The following MATCAP2 variants were observed in gnomAD, a reference collection of about 807,000 sequenced individuals.
MATCAP2 encodes microtubule associated tyrosine carboxypeptidase 2.
chr7:36,385,706 AGGC>A, the MATCAP2 span, among the ~76,000 whole-genome samples: 1 of 152,122 alleles, frequency 6.6e-6, no homozygotes, highest in East Asian at 1.9e-4. Context: ...AGATTGCTTG[AGGC>A]CAGGAATTTG....
chr7:36,389,803 C>G, the MATCAP2 span: 1 of 837,430 alleles, frequency 1.2e-6, no homozygotes, highest in Non-Finnish European at 1.8e-6. Context: ...CCCGGCTCCG[C>G]CCAGCGCGCA....
chr7:36,383,150 A>G, the MATCAP2 span, among the ~76,000 whole-genome samples: 1 of 152,268 alleles, frequency 6.6e-6, no homozygotes, highest in Non-Finnish European at 1.5e-5. Flanking sequence ...AATCATTAAT[A>G]GTAAAGATTA....
chr7:36,353,503 CA>C, the MATCAP2 span, among the ~76,000 whole-genome samples: 1 of 121,076 alleles, frequency 8.3e-6, no homozygotes, highest in Non-Finnish European at 1.7e-5. Context: ...TTTTTTGAGA[CA>C]GTGTCTCACT....
At chr7:36,327,597 C>G in the MATCAP2 span, among the ~76,000 whole-genome samples, 1 of 152,138 alleles carries the variant, frequency 6.6e-6, no homozygotes, top group African/African-American at 2.4e-5. Flanking sequence ...ATCAAAATAA[C>G]TAGAATATAA....
At chr7:36,327,907 A>G in the MATCAP2 span, among the ~76,000 whole-genome samples, 1 of 152,346 alleles carries the variant, frequency 6.6e-6, no homozygotes, top group African/African-American at 2.4e-5. Context: ...AATTTAGGAT[A>G]CATAATGATT....
At chr7:36,385,564 C>A in the MATCAP2 span, among the ~76,000 whole-genome samples, 2 of 152,040 alleles carry the variant, frequency 1.3e-5, no homozygotes, top group East Asian at 3.9e-4. Flanking sequence ...GTGGGAGGAT[C>A]ATTTGAGGCC....
the MATCAP2 span, among the ~76,000 whole-genome samples, chr7:36,364,693 G>A: frequency 6.6e-6 from 1 of 152,184 alleles, no homozygotes; most frequent in Non-Finnish European, 1.5e-5. Context: ...TGAATCGTGA[G>A]GGAATGACCA....
At chr7:36,380,325 A>G in the MATCAP2 span, among the ~76,000 whole-genome samples, 1 of 152,194 alleles carries the variant, frequency 6.6e-6, no homozygotes. Flanking sequence ...GGGATGGGAA[A>G]TGTGATCGAG....
chr7:36,336,247 T>C, the MATCAP2 span: 1 of 1,534,428 alleles, frequency 6.5e-7, no homozygotes, highest in African/African-American at 1.4e-5. Context: ...CTTGTTCAAA[T>C]TTTTCATAAC....
chr7:36,388,399 G>C, the MATCAP2 span, among the ~76,000 whole-genome samples: 1 of 151,824 alleles, frequency 6.6e-6, no homozygotes, highest in Non-Finnish European at 1.5e-5. Context: ...TTTCAGTCAC[G>C]TACAATTTAT....
At chr7:36,324,626 TTAATA>T in the MATCAP2 span, 1 of 152,220 alleles carries the variant, frequency 6.6e-6, no homozygotes, top group Non-Finnish European at 1.5e-5. Context: ...GGAAAAAGAA[TTAATA>T]AACTTTCATT....
At chr7:36,361,282 A>G in the MATCAP2 span, among the ~76,000 whole-genome samples, 2 of 152,178 alleles carry the variant, frequency 1.3e-5, no homozygotes, top group Non-Finnish European at 2.9e-5. Flanking sequence ...GAATGGGGGA[A>G]AAGGGAGACA....
chr7:36,326,918 C>T, the MATCAP2 span: 2 of 1,591,018 alleles, frequency 1.3e-6, no homozygotes, highest in South Asian at 1.2e-5. Flanking sequence ...TCATAAGAAA[C>T]CTGAAAAAAA....
At chr7:36,350,993 G>C in the MATCAP2 span, among the ~76,000 whole-genome samples, 1 of 152,208 alleles carries the variant, frequency 6.6e-6, no homozygotes, top group Non-Finnish European at 1.5e-5. Context: ...AGGCATCTGA[G>C]TTTGTGAACC....
the MATCAP2 span, chr7:36,367,405 CG>C: frequency 2.2e-6 from 2 of 928,420 alleles, no homozygotes; most frequent in Non-Finnish European, 2.6e-6. Context: ...TGCCCGCGAG[CG>C]CGCTGGGGTC....
chr7:36,335,780 CT>C, the MATCAP2 span, among the ~76,000 whole-genome samples: 1 of 77,022 alleles, frequency 1.3e-5, no homozygotes, highest in Non-Finnish European at 3.1e-5. Flanking sequence ...CAGAAAAGAA[CT>C]ACGACTAGGC....
the MATCAP2 span, among the ~76,000 whole-genome samples, chr7:36,349,141 T>C: frequency 3.3e-5 from 5 of 152,236 alleles, no homozygotes; most frequent in African/African-American, 1.2e-4. Context: ...TTTTGAACTT[T>C]ATCCTAAATT....
the MATCAP2 span, among the ~76,000 whole-genome samples, chr7:36,386,447 ATGTGTGTGTG>A: frequency 6.7e-6 from 1 of 148,436 alleles, no homozygotes; most frequent in Non-Finnish European, 1.5e-5. Context: ...GTATGTGTGT[ATGTGTGTGTG>A]TGTGTGTGTG....
chr7:36,370,946 A>G, the MATCAP2 span, among the ~76,000 whole-genome samples: 1 of 152,196 alleles, frequency 6.6e-6, no homozygotes, highest in East Asian at 1.9e-4. Context: ...GAATTCTAGA[A>G]GCATTGTATT....
Sources: gnomAD v4.1 joint callset for allele counts (sites outside exome capture counted in the v4.1 genomes callset) on GRCh38, gnomAD v4.1.1 for gene constraint, MANE v1.5 for transcripts, NCBI Gene and HGNC (gene_info 2026-07-23, HGNC 2026-07-21) for gene names.